The following TTK variants were observed in gnomAD, a reference collection of about 807,000 sequenced individuals.
TTK encodes dual specificity protein kinase TTK.
TTK carries 59 observed loss-of-function variants against 117.3 expected under a neutral mutation model. The observed-to-expected ratio is 0.50, with a 90% CI of 0.41 to 0.62. TTK has a LOEUF of 0.62. Ranked by LOEUF, TTK falls within the 20% of genes least tolerant of loss-of-function variation. The pLI, the probability that TTK is intolerant of heterozygous loss-of-function variation, is 0.00. For missense variants in TTK, 921 were observed against 989.4 expected (o/e 0.93, Z 0.93); for synonymous variants, 302 against 325.0 (o/e 0.93, Z 0.76).
chr6:80,040,259 G>T lies in TTK; in HGVS notation c.2371G>T (p.Val791Phe). The change falls in exon 20 of 22, where the codon GTT becomes TTT. Residue 791 changes from valine (V) to phenylalanine (F), a missense_variant. Coordinates refer to ENST00000369798, the MANE Select transcript of TTK (RefSeq NM_003318.5). Reference protein sequence around the residue: ...SIPELLAHPYVQIQTHPVNQM... With the variant: ...SIPELLAHPYFQIQTHPVNQM... Reference sequence around the variant, plus strand: ...TCCTGAGCTCCTGGCTCATCCATATGTTCAAATTCAAACTCATCCAGGTAC... The same window carrying T: ...TCCTGAGCTCCTGGCTCATCCATATTTTCAAATTCAAACTCATCCAGGTAC... 6.3e-7 allele frequency: 1 copy of T among 1,587,760 alleles called. No homozygotes were observed. Among genetic ancestry groups the T allele is most frequent in the Non-Finnish European group, 8.6e-7 (1 of 1,168,318 alleles).
intron 11 of TTK, among the ~76,000 whole-genome samples, chr6:80,025,613 G>C (rs1767584692): frequency 6.6e-6 from 1 of 152,166 alleles, no homozygotes; most frequent in South Asian, 2.1e-4. Context: ...GGGTTAGCAG[G>C]CTTTCCAGGC....
chr6:80,036,468 T>G lies in TTK; in HGVS notation c.1925-7T>G. 1 of 1,593,492 alleles carries G rather than the reference T, an allele frequency of 6.3e-7. No individual in the cohort carries two copies. On this transcript the variant is annotated splice_region_variant and splice_polypyrimidine_tract_variant and intron_variant, in intron 16 of 21. Coordinates refer to ENST00000369798, the MANE Select transcript of TTK (RefSeq NM_003318.5). Reference sequence around the variant, plus strand: ...GTTTAATATTACAGTGGATTTTTATTTTAAAGGCATTGTTCACAGTGATCT... The same window carrying G: ...GTTTAATATTACAGTGGATTTTTATGTTAAAGGCATTGTTCACAGTGATCT...
chr6:80,007,774 C>T, intron 2 of TTK, 35 bp from the exon 3 acceptor site: 2 of 1,548,238 alleles, frequency 1.3e-6, no homozygotes, highest in Non-Finnish European at 1.8e-6. Flanking sequence ...TGTTTTATGT[C>T]TTTTCTTGTG....
rs376800096 is a variant in TTK at position 80,039,677 on chromosome 6, T to G, written c.2131-19T>G. On this transcript the variant is annotated intron_variant, in intron 18 of 21. Transcript: ENST00000369798. ...GAAAATAACAGCAACTTTTTTGTGT[T>G]TGTTTGTTTTTTTCTTAGATAAGCC... is the stretch of plus-strand genomic sequence containing the variant. The G allele has an allele frequency of 8.1e-6, 12 of 1,482,080 alleles. No homozygotes were observed. The Admixed American group carries it at 1.0e-4, about 12-fold the overall frequency. 91.8% of individuals were successfully genotyped at this position (1,482,080 alleles called of 1,614,324 possible). A position where few individuals can be genotyped will look rare whatever the true frequency, so the allele number is the denominator to read the frequency against.
At position 80,027,912 on chromosome 6, in the gene TTK, C is replaced by G. The variant is rs191381064; in HGVS notation, c.1422C>G (p.Asp474Glu). 6.2e-7 allele frequency: 1 copy of G among 1,605,940 alleles called. No homozygotes were observed. The highest frequency in any genetic ancestry group is 2.3e-5 in the East Asian group (1 of 44,370). Reference protein sequence around the residue: ...SCFRTPVVKNDFPPACQLSTP... With the variant: ...SCFRTPVVKNEFPPACQLSTP... ...TTAGAACTCCAGTTGTAAAGAATGA[C>G]TTTCCACCTGCTTGTCAGTTGTCAA... Residue 474 changes from aspartate to glutamate, a missense_variant, in exon 13 of 22, where the codon GAC (aspartate) becomes GAG (glutamate). Asp to Glu is a conservative substitution (Grantham distance 45). Transcript: ENST00000369798.
At chr6:80,040,333 T>C in intron 20 of TTK, 53 bp downstream of exon 20, 1 of 1,392,646 alleles carries the variant, frequency 7.2e-7, no homozygotes, top group Non-Finnish European at 9.8e-7. Context: ...ATAAACAGTC[T>C]GTTACCTATT....
intron 17 of TTK, 88 bp from the exon 18 acceptor site, chr6:80,037,879 T>TAAG: frequency 1.9e-6 from 1 of 539,656 alleles, no homozygotes; most frequent in Non-Finnish European, 2.9e-6. Flanking sequence ...ATAATAATAA[T>TAAG]AATAATAATA....
chr6:80,029,978 T>C (rs1767710040), intron 13 of TTK, among the ~76,000 whole-genome samples: 1 of 151,950 alleles, frequency 6.6e-6, no homozygotes, highest in Non-Finnish European at 1.5e-5. Context: ...AAAGGAGGAG[T>C]GGGGAAACCT....
chr6:80,026,365 T>C lies in TTK; in HGVS notation c.1258-13T>C, dbSNP rs1408045186. Reference sequence around the variant, plus strand: ...TTAAAAACTAAATCATGGTGTTCTTTATTTTGTTTTAGCAGAAACATACCA... The same window carrying C: ...TTAAAAACTAAATCATGGTGTTCTTCATTTTGTTTTAGCAGAAACATACCA... On this transcript the variant is annotated splice_polypyrimidine_tract_variant and intron_variant, in intron 11 of 21. Transcript: ENST00000369798. 1 of 1,603,864 alleles carries C rather than the reference T, an allele frequency of 6.2e-7. No homozygotes were observed. The highest frequency in any genetic ancestry group is 1.7e-5 in the Admixed American group (1 of 57,530).
At chr6:80,034,138 A>G (rs1767828663) in intron 14 of TTK, among the ~76,000 whole-genome samples, 1 of 152,172 alleles carries the variant, frequency 6.6e-6, no homozygotes, top group Non-Finnish European at 1.5e-5. Context: ...CAAATGCCTC[A>G]AAGAAAGTAA....
At chr6:80,008,968 T>TGTGTGTGTGTGTGTGC (rs1582086989) in intron 4 of TTK, among the ~76,000 whole-genome samples, 1 of 146,746 alleles carries the variant, frequency 6.8e-6, no homozygotes, top group Admixed American at 6.8e-5. Flanking sequence ...TGTGTGTGTG[T>TGTGTGTGTGTGTGTGC]AGCGTTAATT....
At chr6:80,033,947 T>A (rs895039776) in intron 14 of TTK, among the ~76,000 whole-genome samples, 2 of 152,176 alleles carry the variant, frequency 1.3e-5, no homozygotes, top group Non-Finnish European at 2.9e-5. Context: ...TTTATTTACT[T>A]GTATGTTTTC....
In TTK at chr6:80,011,714, T is replaced by A; in HGVS notation, c.729-15T>A. The stretch of plus-strand genomic sequence containing the variant: ...TTGTTCTTTGAAAAATTGGGGGTAT[T>A]TTCTTTCTGTTTAGAGAGAACATGC... On this transcript the variant is annotated splice_polypyrimidine_tract_variant and intron_variant, in intron 6 of 21. Transcript: ENST00000369798. 11 of 1,611,316 alleles carry A rather than the reference T, an allele frequency of 6.8e-6. No homozygotes were observed. Among genetic ancestry groups the A allele is most frequent in the Non-Finnish European group, 9.3e-6 (11 of 1,178,552 alleles).
rs143982999 is a variant in TTK, at chr6:80,029,207, G to C, written c.1521+1196G>C. On this transcript the variant is annotated intron_variant, in intron 13 of 21. Transcript: ENST00000369798. ...GGGGAGTTACTGTTTAATGGGTATAGAGTTTCAGTGGTATTTGCACCACCA... is the reference window on the plus strand; with the variant it reads ...GGGGAGTTACTGTTTAATGGGTATACAGTTTCAGTGGTATTTGCACCACCA... Among the ~76,000 whole-genome samples the C allele has an allele frequency of 1.2e-3, 176 of 152,290 alleles. 1 individual carries two copies. Among genetic ancestry groups the C allele is most frequent in the African/African-American group, 4.1e-3 (172 of 41,554 alleles).
rs1337209246 is a variant in TTK at position 80,012,786 on chromosome 6, T to C, written c.897-493T>C. On this transcript the variant is annotated intron_variant, in intron 8 of 21. Coordinates refer to ENST00000369798, the MANE Select transcript of TTK (RefSeq NM_003318.5). ...GTCTTATCACTATGATTTCATCTTG[T>C]TCATCTCTATTTCAAATACCTAGCT... Among the ~76,000 whole-genome samples the C allele has an allele frequency of 2.0e-5, 3 of 152,118 alleles. No homozygotes were observed. In the South Asian group the frequency reaches 6.2e-4, roughly 31 times the overall value.
chr6:80,024,819 C>T (rs1346938438), intron 11 of TTK, among the ~76,000 whole-genome samples: 1 of 152,210 alleles, frequency 6.6e-6, no homozygotes, highest in African/African-American at 2.4e-5. Context: ...GTTTTTGTCT[C>T]ACATCTCACT....
At chr6:80,041,070 G>A (rs1333479642) in intron 21 of TTK, among the ~76,000 whole-genome samples, 1 of 151,750 alleles carries the variant, frequency 6.6e-6, no homozygotes, top group Non-Finnish European at 1.5e-5. Context: ...GACATTACAT[G>A]TAATGGCTTT....
chr6:80,013,382 A>G lies in TTK; in HGVS notation c.984+16A>G. ...AAATTTAAAGGTATTTTAATTCTAT[A>G]TCATTATATAAAGCAAGGGTTCCTG... On this transcript the variant is annotated intron_variant, in intron 9 of 21. Transcript: ENST00000369798. The G allele has an allele frequency of 1.9e-6, 3 of 1,569,320 alleles. No homozygotes were observed. Among genetic ancestry groups the G allele is most frequent in the East Asian group, 2.3e-5 (1 of 44,354 alleles).
intron 18 of TTK, among the ~76,000 whole-genome samples, chr6:80,039,015 A>C (rs1329180450): frequency 6.6e-6 from 1 of 152,124 alleles, no homozygotes; most frequent in Non-Finnish European, 1.5e-5. Context: ...GACACATAGC[A>C]TTACCAGTTA....
Sources: allele counts gnomAD v4.1 joint callset (sites outside exome capture counted in the v4.1 genomes callset), GRCh38; gene constraint gnomAD v4.1.1; transcripts MANE v1.5; gene names NCBI Gene and HGNC (gene_info 2026-07-23, HGNC 2026-07-21).